The following DCLK1 variants were observed in gnomAD, a reference collection of about 807,000 sequenced individuals.
The protein encoded by DCLK1 is serine/threonine-protein kinase DCLK1.
Under a neutral mutation model 86.2 loss-of-function variants are expected in DCLK1, and 16 were observed. That is an observed-to-expected ratio of 0.19 (90% CI 0.13 to 0.28). The LOEUF (loss-of-function observed/expected upper bound fraction) is 0.28. DCLK1 is among the 10% of genes least tolerant of loss of function. The pLI is 1.00. For synonymous variants in DCLK1, 369 were observed against 370.5 expected (o/e 1.00, Z 0.05); for missense variants, 590 against 940.2 (o/e 0.63, Z 4.87).
At chr13:35,841,294 A>G (rs2153108278) in intron 6 of DCLK1, among the ~76,000 whole-genome samples, 1 of 152,346 alleles carries the variant, frequency 6.6e-6, no homozygotes, top group South Asian at 2.1e-4. Context: ...TCTTTTAGTA[A>G]GAACATCAGG....
intron 4 of DCLK1, among the ~76,000 whole-genome samples, chr13:35,899,765 G>A (rs1313740650): frequency 1.3e-5 from 2 of 152,134 alleles, no homozygotes; most frequent in African/African-American, 2.4e-5. Flanking sequence ...ATGACAAGGT[G>A]GGAAGGGAAT....
chr13:36,032,416 T>A (rs1017137083), intron 3 of DCLK1, among the ~76,000 whole-genome samples: 1 of 152,210 alleles, frequency 6.6e-6, no homozygotes, highest in South Asian at 2.1e-4. Context: ...AGTGTTGGGA[T>A]TATAGGCGTG....
intron 5 of DCLK1, among the ~76,000 whole-genome samples, chr13:35,860,702 A>G (rs1308173478): frequency 6.6e-6 from 1 of 152,222 alleles, no homozygotes; most frequent in African/African-American, 2.4e-5. Context: ...ATGAACTCAC[A>G]GTCACTGTAG....
At chr13:36,096,233 C>G (rs1479724998) in intron 3 of DCLK1, among the ~76,000 whole-genome samples, 1 of 152,198 alleles carries the variant, frequency 6.6e-6, no homozygotes, top group African/African-American at 2.4e-5. Context: ...AGCCCAAGGC[C>G]TTTGAATCTC....
At chr13:35,926,494 A>T (rs1373421345) in intron 4 of DCLK1, among the ~76,000 whole-genome samples, 1 of 152,230 alleles carries the variant, frequency 6.6e-6, no homozygotes, top group Non-Finnish European at 1.5e-5. Flanking sequence ...GAGTTTGCTA[A>T]GCATTGCTGC....
At chr13:35,835,810 A>G (rs1220274135) in intron 8 of DCLK1, among the ~76,000 whole-genome samples, 1 of 152,212 alleles carries the variant, frequency 6.6e-6, no homozygotes, top group South Asian at 2.1e-4. Context: ...GAGTACATTT[A>G]AAAAAATCAA....
chr13:35,961,712 G>T (rs1383118843), intron 3 of DCLK1, among the ~76,000 whole-genome samples: 1 of 152,072 alleles, frequency 6.6e-6, no homozygotes, highest in East Asian at 1.9e-4. Flanking sequence ...AAGGAAATGA[G>T]ATCTAAGCAT....
chr13:35,944,908 T>C (rs1877280481), intron 4 of DCLK1, among the ~76,000 whole-genome samples: 1 of 152,074 alleles, frequency 6.6e-6, no homozygotes, highest in Non-Finnish European at 1.5e-5. Flanking sequence ...CTTTTATTTA[T>C]TTATTTATTT....
chr13:35,959,715 T>C (rs1168803247), intron 3 of DCLK1, among the ~76,000 whole-genome samples: 1 of 152,166 alleles, frequency 6.6e-6, no homozygotes, highest in Admixed American at 6.5e-5. Context: ...CCAGTACTCT[T>C]GGCTGTTTCT....
chr13:35,971,534 G>A (rs996810446), intron 3 of DCLK1, among the ~76,000 whole-genome samples: 9 of 152,146 alleles, frequency 5.9e-5, no homozygotes, highest in South Asian at 2.1e-4. Context: ...AGGCTGAGGC[G>A]AGTGGATCAC....
intron 3 of DCLK1, among the ~76,000 whole-genome samples, chr13:35,998,312 G>C (rs1004445858): frequency 9.9e-5 from 15 of 152,038 alleles, no homozygotes; most frequent in Non-Finnish European, 2.1e-4. Flanking sequence ...CCCTTCAATA[G>C]TTTTGAGTTT....
Position 35,822,804 on chromosome 13 carries a change from G to A in DCLK1, c.1479C>T (p.Tyr493=). 4.3e-6 allele frequency: 7 copies of A among 1,613,774 alleles called. No individual in the cohort carries two copies. The highest frequency in any genetic ancestry group is 5.1e-6 in the Non-Finnish European group (6 of 1,179,980). Residue 493 remains tyrosine (Y), a synonymous_variant, in exon 11 of 17, where the codon TAC becomes TAT. Coordinates refer to ENST00000360631, the MANE Select transcript of DCLK1 (RefSeq NM_001330071.2). ...GGTATTTGATGGCGCTGGCTAGGTT[G>A]TACAGCATCCCACTGGCGTCTCTCT... The part of the protein sequence containing the change: ...YTERDASGML[Y]NLASAIKYLH...
At position 35,801,505 on chromosome 13, in the gene DCLK1, AT is replaced by A. The variant is rs11455091; in HGVS notation, c.1944+4193del. On this transcript the variant is annotated intron_variant, in intron 15 of 16. Transcript: ENST00000360631. Reference sequence around the variant, plus strand: ...AGTCTGTTTGAATTACAGAAAGGGTATTTTTTTTTTAGTTTTCGATCTCCTA... The same window carrying A: ...AGTCTGTTTGAATTACAGAAAGGGTATTTTTTTTTAGTTTTCGATCTCCTA... 7.3e-3 allele frequency among the ~76,000 whole-genome samples: 1,090 copies of A among 149,962 alleles called. 10 individuals are homozygous for A. The highest frequency in any genetic ancestry group is 0.014 in the Middle Eastern group (4 of 294).
intron 3 of DCLK1, among the ~76,000 whole-genome samples, chr13:36,071,478 T>C (rs1179671332): frequency 1.3e-5 from 2 of 152,118 alleles, no homozygotes; most frequent in Non-Finnish European, 1.5e-5. Context: ...TGAAATGGGG[T>C]AGAAACTCAA....
Position 35,918,892 on chromosome 13 carries a change from GTT to G in DCLK1, c.823+28464_823+28465del, listed in dbSNP as rs749567335. ...AAAAAGAAATCTTCCTTCTGAGTGT[GTT>G]TTTTTTTTTTTTTTTGGAAACGGAG... On this transcript the variant is annotated intron_variant, in intron 4 of 16. Coordinates refer to ENST00000360631, the MANE Select transcript of DCLK1 (RefSeq NM_001330071.2). 1.5e-3 allele frequency among the ~76,000 whole-genome samples: 118 copies of G among 76,332 alleles called. 3 individuals carry two copies. Among genetic ancestry groups the G allele is most frequent in the African/African-American group, 5.0e-3 (113 of 22,628 alleles). 50.1% of individuals were successfully genotyped at this position (76,332 alleles called of 152,430 possible). A position where few individuals can be genotyped will look rare whatever the true frequency, so the allele number is the denominator to read the frequency against.
chr13:35,837,020 CCT>C (rs1869433554), intron 7 of DCLK1, among the ~76,000 whole-genome samples: 1 of 152,156 alleles, frequency 6.6e-6, no homozygotes, highest in Admixed American at 6.5e-5. Flanking sequence ...CCTCAGGCAA[CCT>C]GAATGCAAAA....
intron 6 of DCLK1, among the ~76,000 whole-genome samples, chr13:35,851,995 ATGTGTG>A (rs1555344390): frequency 3.6e-4 from 51 of 143,618 alleles, no homozygotes; most frequent in South Asian, 1.6e-3. Context: ...ATGTGTGTGT[ATGTGTG>A]TGTGTGTGTG....
chr13:35,915,610 T>C (rs893466537), intron 4 of DCLK1, among the ~76,000 whole-genome samples: 98 of 151,926 alleles, frequency 6.5e-4, no homozygotes, highest in Admixed American at 5.9e-4. Flanking sequence ...GAGGCTGAGG[T>C]GGGAGAATAA....
intron 3 of DCLK1, among the ~76,000 whole-genome samples, chr13:35,975,581 G>A (rs1879292146): frequency 6.6e-6 from 1 of 151,178 alleles, no homozygotes; most frequent in Admixed American, 6.6e-5. Flanking sequence ...AGTTCTGGCA[G>A]CATGACTTTG....
Sources: gnomAD v4.1 joint callset for allele counts (sites outside exome capture counted in the v4.1 genomes callset) on GRCh38, gnomAD v4.1.1 for gene constraint, MANE v1.5 for transcripts, NCBI Gene and HGNC (gene_info 2026-07-23, HGNC 2026-07-21) for gene names.